The following DNM3 variants were observed in gnomAD, a reference collection of about 807,000 sequenced individuals.
DNM3 encodes the protein dynamin 3.
DNM3 carries 47 observed loss-of-function variants against 101.6 expected under a neutral mutation model. That is an observed-to-expected ratio of 0.46 (90% confidence interval 0.37 to 0.59). The LOEUF is 0.59. DNM3 is among the 20% of genes least tolerant of loss of function. The pLI is 0.00. For missense variants in DNM3, 849 were observed against 1,085.7 expected (o/e 0.78, Z 3.06); for synonymous variants, 385 against 387.9 (o/e 0.99, Z 0.09).
intron 1 of DNM3, among the ~76,000 whole-genome samples, chr1:171,921,301 T>C (rs2040151972): frequency 6.6e-6 from 1 of 152,266 alleles, no homozygotes; most frequent in Middle Eastern, 3.4e-3. Context: ...TACAATCTAA[T>C]GTGCCTTTAG....
At chr1:172,362,073 A>G (rs558377624) in intron 17 of DNM3, among the ~76,000 whole-genome samples, 1 of 152,034 alleles carries the variant, frequency 6.6e-6, no homozygotes, top group African/African-American at 2.4e-5. Flanking sequence ...AAGCTGCCCA[A>G]TACCTTTATC....
Position 172,061,108 on chromosome 1 carries a change from C to T in DNM3, c.1336-7711C>T, listed in dbSNP as rs1192223757. Among the ~76,000 whole-genome samples, 377 of 148,200 alleles carry T rather than the reference C, an allele frequency of 2.5e-3. 1 individual carries two copies. Among genetic ancestry groups the T allele is most frequent in the Non-Finnish European group, 3.9e-3 (259 of 67,260 alleles). On this transcript the variant is annotated intron_variant, in intron 10 of 20. Transcript: ENST00000627582. ...AAACACATGAAAAAATGCTCATCAT[C>T]ACTGGCCATCAGAGAAATGCAAATC...
chr1:172,240,805 T>A (rs1442990481), intron 14 of DNM3, among the ~76,000 whole-genome samples: 1 of 152,148 alleles, frequency 6.6e-6, no homozygotes, highest in Non-Finnish European at 1.5e-5. Context: ...GCAATCACTA[T>A]TCTAAACTTG....
At chr1:171,977,123 T>G (rs1437948189) in intron 2 of DNM3, among the ~76,000 whole-genome samples, 3 of 152,244 alleles carry the variant, frequency 2.0e-5, no homozygotes, top group African/African-American at 7.2e-5. Context: ...TAAAAAACAT[T>G]GGAATAACTC....
At chr1:172,339,519 G>A (rs1223536464) in intron 17 of DNM3, among the ~76,000 whole-genome samples, 5 of 152,080 alleles carry the variant, frequency 3.3e-5, no homozygotes, top group South Asian at 2.1e-4. Context: ...CTATGCTTAC[G>A]GGCCAAAGCA....
At chr1:171,991,507 A>C (rs1321811601) in intron 4 of DNM3, among the ~76,000 whole-genome samples, 1 of 152,198 alleles carries the variant, frequency 6.6e-6, no homozygotes, top group African/African-American at 2.4e-5. Flanking sequence ...ATGTATGAGA[A>C]GCGATGTGGA....
intron 10 of DNM3, among the ~76,000 whole-genome samples, chr1:172,063,149 T>C (rs2051377553): frequency 6.6e-6 from 1 of 152,176 alleles, no homozygotes; most frequent in Non-Finnish European, 1.5e-5. Flanking sequence ...ATAGAAGAAA[T>C]TTTGTTCTGA....
At chr1:172,138,154 A>G (rs989377276) in intron 14 of DNM3, 5 of 152,102 alleles carry the variant, frequency 3.3e-5, no homozygotes, top group Non-Finnish European at 5.9e-5. Flanking sequence ...TCAACTTTCC[A>G]TATGTCAAAA....
chr1:172,017,348 T>G (rs1383025364), intron 4 of DNM3, among the ~76,000 whole-genome samples: 1 of 152,154 alleles, frequency 6.6e-6, no homozygotes, highest in Non-Finnish European at 1.5e-5. Flanking sequence ...TATTATACAC[T>G]TCCTTCTAAG....
intron 14 of DNM3, among the ~76,000 whole-genome samples, chr1:172,167,578 C>T (rs979601574): frequency 6.6e-6 from 1 of 152,002 alleles, no homozygotes; most frequent in Non-Finnish European, 1.5e-5. Flanking sequence ...CTCTCCAGCA[C>T]CTGTTGTTTC....
chr1:171,959,945 T>C (rs2043109595), intron 2 of DNM3, among the ~76,000 whole-genome samples: 1 of 152,016 alleles, frequency 6.6e-6, no homozygotes, highest in South Asian at 2.1e-4. Flanking sequence ...AGAGGAATCT[T>C]TGTAGAAATA....
intron 1 of DNM3, among the ~76,000 whole-genome samples, chr1:171,854,218 G>A (rs1427989467): frequency 2.0e-5 from 3 of 152,166 alleles, no homozygotes; most frequent in South Asian, 2.1e-4. Context: ...GGTTCACATC[G>A]TAGTTCTGCC....
At chr1:171,941,776 C>A (rs943803467) in intron 2 of DNM3, among the ~76,000 whole-genome samples, 1 of 152,168 alleles carries the variant, frequency 6.6e-6, no homozygotes, top group East Asian at 1.9e-4. Context: ...AACCCCTAAC[C>A]AAACCACACA....
chr1:172,387,532 G>A (rs1323752844), intron 19 of DNM3, among the ~76,000 whole-genome samples, 173 bp downstream of exon 19: 6 of 152,000 alleles, frequency 3.9e-5, no homozygotes, highest in Non-Finnish European at 8.8e-5. Flanking sequence ...GGTGGCGGGT[G>A]CCTGTAGTCC....
chr1:172,392,623 G>A (rs1165947447), intron 20 of DNM3, among the ~76,000 whole-genome samples: 1 of 152,140 alleles, frequency 6.6e-6, no homozygotes. Context: ...CACTGAATCC[G>A]AGTGTGTTTT....
Position 171,887,840 on chromosome 1 carries a change from G to A in DNM3, c.162-33908G>A, listed in dbSNP as rs150972795. On this transcript the variant is annotated intron_variant, in intron 1 of 20. Transcript: ENST00000627582. ...AATCAAGTTGGTAAATTATTTTAAG[G>A]CATCATCTAATATGTTTTTTTTCCA... Among the ~76,000 whole-genome samples the A allele has an allele frequency of 2.5e-3, 377 of 151,964 alleles. 1 individual carries two copies. Among genetic ancestry groups the A allele is most frequent in the African/African-American group, 8.6e-3 (358 of 41,480 alleles).
intron 2 of DNM3, among the ~76,000 whole-genome samples, chr1:171,980,791 G>A (rs1378326309): frequency 8.4e-6 from 1 of 119,096 alleles, no homozygotes; most frequent in Non-Finnish European, 1.7e-5. Flanking sequence ...TTTTTTTTGA[G>A]ACAGAGTCTC....
rs1225134461 is a variant in DNM3, at chr1:172,038,410, A to G, written c.941A>G (p.Tyr314Cys). The stretch of plus-strand genomic sequence containing the variant: ...TCCATAGAACATGAAGTAGAAGCCT[A>G]CAAAAATTTCAAACCAGAAGACCCA... ...LLSIEHEVEA[Y>C]KNFKPEDPTR... The change falls in exon 7 of 21, where the codon TAC becomes TGC. Residue 314 changes from tyrosine to cysteine, a missense_variant. Physicochemically the swap from Tyr to Cys is radical, Grantham distance 194. Transcript: ENST00000627582. The G allele has an allele frequency of 6.2e-7, 1 of 1,613,474 alleles. No homozygotes were observed. The highest frequency in any genetic ancestry group is 8.5e-7 in the Non-Finnish European group (1 of 1,179,574).
At chr1:171,847,857 G>T (rs924547112) in intron 1 of DNM3, among the ~76,000 whole-genome samples, 1 of 150,350 alleles carries the variant, frequency 6.7e-6, no homozygotes. Flanking sequence ...AAATTAGAGG[G>T]TTCATTAATA....
Sources: allele counts gnomAD v4.1 joint callset (sites outside exome capture counted in the v4.1 genomes callset), GRCh38; gene constraint gnomAD v4.1.1; transcripts MANE v1.5; gene names NCBI Gene and HGNC (gene_info 2026-07-23, HGNC 2026-07-21).